Variants in MYH11 observed in about 807,000 individuals in gnomAD.
MYH11 encodes myosin-11.
In MYH11, 80 loss-of-function variants were observed where a neutral mutation model predicts 246.6. That is an observed-to-expected ratio of 0.32 (90% CI 0.27 to 0.39). The LOEUF (loss-of-function observed/expected upper bound fraction) is 0.39. Ranked by LOEUF, MYH11 falls within the 10% of genes least tolerant of loss-of-function variation. The pLI is 1.00. For synonymous variants in MYH11, 1,071 were observed against 1,015.5 expected, an observed-to-expected ratio of 1.05 and a Z score of -1.04; for missense variants, 2,158 against 2,546.8, an observed-to-expected ratio of 0.85 and a Z score of 3.29.
rs527578419 is a variant in MYH11 at position 15,856,351 on chromosome 16, A to C, written c.-18+590T>G. Reference sequence around the variant, plus strand: ...AACTGATTAAAAAAAAAAAACAACAACACTCCTTTCTGCTAAGCCTATGCC... The same window carrying C: ...AACTGATTAAAAAAAAAAAACAACACCACTCCTTTCTGCTAAGCCTATGCC... On this transcript the variant is annotated intron_variant, in intron 1 of 40. Transcript: ENST00000300036. 2.0e-5 allele frequency among the ~76,000 whole-genome samples: 3 copies of C among 151,444 alleles called. No individual in the cohort carries two copies. The South Asian group carries it at 6.3e-4, about 32-fold the overall frequency.
At chr16:15,726,711 TCTC>T (rs2040779913) in intron 28 of MYH11, 134 bp downstream of exon 28, 5 of 1,012,688 alleles carry the variant, frequency 4.9e-6, no homozygotes, top group Admixed American at 2.0e-5. Flanking sequence ...GATCATCGCC[TCTC>T]CTCCAGGAAC....
chr16:15,707,792 T>G (rs1198671715), intron 40 of MYH11, among the ~76,000 whole-genome samples: 2 of 152,108 alleles, frequency 1.3e-5, no homozygotes, highest in Admixed American at 1.3e-4. Flanking sequence ...GCCAACATGG[T>G]GATATCCTGT....
intron 1 of MYH11, among the ~76,000 whole-genome samples, chr16:15,843,254 C>T (rs2044101966): frequency 6.6e-6 from 1 of 151,956 alleles, no homozygotes; most frequent in Non-Finnish European, 1.5e-5. Flanking sequence ...GCCTGTAATT[C>T]CAGCTACTCA....
rs1275761185 is a variant in MYH11 at position 15,703,544 on chromosome 16, C to T, written c.*447G>A. ...CCTGTTGGGTTTTTCTCATCTCTTA[C>T]ATCATACAAACTTCAATTTTTACCT... is the stretch of plus-strand genomic sequence containing the variant. On this transcript the variant is annotated 3_prime_UTR_variant, in exon 41 of 41. Coordinates refer to ENST00000300036, the MANE Select transcript of MYH11 (RefSeq NM_002474.3). 3 of 327,486 alleles carry T rather than the reference C, an allele frequency of 9.2e-6. No individual in the cohort carries two copies. The highest frequency in any genetic ancestry group is 9.6e-5 in the South Asian group (2 of 20,804). The allele number at this position is 327,486 out of a possible 1,614,324, so 20.3% of individuals were successfully genotyped here. A position where few individuals can be genotyped will look rare whatever the true frequency, so the allele number is the denominator to read the frequency against.
intron 1 of MYH11, among the ~76,000 whole-genome samples, chr16:15,847,664 G>A (rs1050660282): frequency 6.6e-6 from 1 of 152,170 alleles, no homozygotes; most frequent in Non-Finnish European, 1.5e-5. Flanking sequence ...CATTGCCTGG[G>A]ACCCTGTCTA....
At position 15,740,406 on chromosome 16, in the gene MYH11, A is replaced by C. The variant is rs112424982; in HGVS notation, c.2860-218T>G. Among the ~76,000 whole-genome samples, 15,948 of 151,862 alleles carry C rather than the reference A, an allele frequency of 0.11. 1,137 individuals carry two copies. Among genetic ancestry groups the C allele is most frequent in the Non-Finnish European group, 0.15 (10,344 of 67,922 alleles). ...GTGGATCACTTGAGGTCAGGAATTC[A>C]AGACCAGCCTGGCCAACATGGTGAA... On this transcript the variant is annotated intron_variant, in intron 22 of 40. Coordinates refer to ENST00000300036, the MANE Select transcript of MYH11 (RefSeq NM_002474.3).
chr16:15,727,431 C>T (rs926039905), intron 27 of MYH11, among the ~76,000 whole-genome samples: 1 of 152,014 alleles, frequency 6.6e-6, no homozygotes, highest in African/African-American at 2.4e-5. Context: ...GAACTCCTGA[C>T]CTCAAGTGAT....
intron 27 of MYH11, among the ~76,000 whole-genome samples, chr16:15,727,558 C>G (rs144738954): frequency 6.6e-6 from 1 of 152,152 alleles, no homozygotes. Context: ...ATCCCACAAG[C>G]GGTATCCAAC....
At chr16:15,828,293 A>C (rs951271665) in intron 2 of MYH11, among the ~76,000 whole-genome samples, 1 of 152,136 alleles carries the variant, frequency 6.6e-6, no homozygotes, top group East Asian at 1.9e-4. Context: ...TGCTCAATCA[A>C]TGTTATTTAG....
At chr16:15,796,971 A>G (rs973611872) in intron 4 of MYH11, among the ~76,000 whole-genome samples, 2 of 152,196 alleles carry the variant, frequency 1.3e-5, no homozygotes, top group Non-Finnish European at 2.9e-5. Flanking sequence ...ACCATGGAAT[A>G]TGAGAATTCA....
intron 3 of MYH11, among the ~76,000 whole-genome samples, chr16:15,808,199 C>T (rs1109420): frequency 0.33 from 49,571 of 151,890 alleles, 8,670 homozygotes; most frequent in African/African-American, 0.44. Flanking sequence ...TGTGGTGTGA[C>T]TGTGAAGGTG....
chr16:15,788,095 T>TTTTA (rs11273419), intron 4 of MYH11, among the ~76,000 whole-genome samples: 7,423 of 99,454 alleles, frequency 0.075, 1,333 homozygotes, highest in Non-Finnish European at 0.092. Context: ...TTTTTTTTTT[T>TTTTA]ACCAAGATGG....
In MYH11 at chr16:15,762,298, A is replaced by C. The variant is rs139646751; in HGVS notation, c.1129+1498T>G. On this transcript the variant is annotated intron_variant, in intron 10 of 40. Coordinates refer to ENST00000300036, the MANE Select transcript of MYH11 (RefSeq NM_002474.3). ...CCTCTTAGTTTATAGTTTAAAACAC[A>C]AGAACCCTTTCCCAAAACAAACCCC... Among the ~76,000 whole-genome samples the C allele has an allele frequency of 8.5e-5, 13 of 152,276 alleles. No individual in the cohort carries two copies. The East Asian group carries it at 2.5e-3, about 29-fold the overall frequency.
Position 15,782,393 on chromosome 16 carries a change from AGG to A in MYH11, c.716_717del (p.Ser239PhefsTer23). The A allele has an allele frequency of 6.2e-7, 1 of 1,614,026 alleles. No homozygotes were observed. Among genetic ancestry groups the A allele is most frequent in the Non-Finnish European group, 8.5e-7 (1 of 1,179,884 alleles). On this transcript the variant is annotated frameshift_variant, in exon 6 of 41. Transcript: ENST00000300036. LOFTEE classifies it high-confidence loss of function. ...GNAKTVKNDN[S>X]SRFGKFIRIN... ...GTGGCTTTGCTACTTACGAATCGTGAGGAGTTGTCGTTCTTCACTGTTTTGGC... is the reference window on the plus strand; with the variant it reads ...GTGGCTTTGCTACTTACGAATCGTGAAGTTGTCGTTCTTCACTGTTTTGGC...
intron 2 of MYH11, 45 bp downstream of exon 2, chr16:15,837,863 C>T: frequency 6.5e-7 from 1 of 1,549,304 alleles, no homozygotes; most frequent in Non-Finnish European, 8.9e-7. Flanking sequence ...TGCCTACTTT[C>T]CTTATGAGGC....
rs1039017867 is a variant in MYH11 at position 15,750,577 on chromosome 16, G to A, written c.1865-246C>T. 2.6e-5 allele frequency among the ~76,000 whole-genome samples: 4 copies of A among 152,172 alleles called. No homozygotes were observed. Among genetic ancestry groups the A allele is most frequent in the African/African-American group, 9.7e-5 (4 of 41,424 alleles). On this transcript the variant is annotated intron_variant, in intron 15 of 40. Coordinates refer to ENST00000300036, the MANE Select transcript of MYH11 (RefSeq NM_002474.3). The surrounding 1 kb of genome is among the most constrained non-coding windows in gnomAD (Gnocchi z 4.3). ...TGACCTAGGAGTCAAGCCTGCTCTC[G>A]CTGTCCACTCACTGACTAGCCTTGG...
chr16:15,718,610 C>T (rs962692522), intron 36 of MYH11, 172 bp from the exon 37 acceptor site: 39 of 1,034,322 alleles, frequency 3.8e-5, no homozygotes, highest in Middle Eastern at 3.2e-4. Flanking sequence ...AGTGGACAGC[C>T]GGGACTCAGG....
chr16:15,760,472 G>A (rs1361361271), intron 11 of MYH11, 68 bp downstream of exon 11: 1 of 1,199,152 alleles, frequency 8.3e-7, no homozygotes, highest in East Asian at 2.3e-5. Flanking sequence ...TGAGTGAACA[G>A]GTGGATAGAT....
Position 15,704,027 on chromosome 16 carries a change from T to C in MYH11, c.5883A>G (p.Arg1961=), listed in dbSNP as rs778681567. The C allele has an allele frequency of 6.2e-7, 1 of 1,614,182 alleles. No individual in the cohort carries two copies. The highest frequency in any genetic ancestry group is 8.5e-7 in the Non-Finnish European group (1 of 1,180,030). Residue 1961 remains arginine (R), a synonymous_variant, in exon 41 of 41, where the codon CGA becomes CGG. Coordinates refer to ENST00000300036, the MANE Select transcript of MYH11 (RefSeq NM_002474.3). The stretch of plus-strand genomic sequence containing the variant: ...CCTTGGTTCCATTGAAGTCTGCGTC[T>C]CGAGTGTCCGTTTCCTCCTCAGAAC... ...ADGSEEETDT[R]DADFNGTKAS... is the part of the protein sequence containing the mutation.
Sources: allele counts gnomAD v4.1 joint callset (sites outside exome capture counted in the v4.1 genomes callset), GRCh38; gene constraint gnomAD v4.1.1; non-coding constraint Gnocchi (gnomAD v3.1); transcripts MANE v1.5; gene names NCBI Gene and HGNC (gene_info 2026-07-23, HGNC 2026-07-21).